Variants in AKAP6 observed in about 807,000 individuals in gnomAD.
AKAP6 encodes the protein A-kinase anchoring protein 6, also known as A-kinase anchor protein 6.
In AKAP6, 58 loss-of-function variants were observed where a neutral mutation model predicts 188.5. The observed-to-expected ratio is 0.31, with a 90% confidence interval of 0.25 to 0.38. AKAP6 has a LOEUF of 0.38. AKAP6 is among the 10% of genes least tolerant of loss of function. The pLI is 1.00. For missense variants in AKAP6, 2,710 were observed against 2,740.0 expected (o/e 0.99, Z 0.24); for synonymous variants, 989 against 998.6 (o/e 0.99, Z 0.18).
intron 7 of AKAP6, among the ~76,000 whole-genome samples, chr14:32,644,642 T>C (rs1887908335): frequency 6.6e-6 from 1 of 152,170 alleles, no homozygotes. Context: ...TATTTCTCTA[T>C]TGCATTTTGG....
intron 11 of AKAP6, among the ~76,000 whole-genome samples, chr14:32,743,140 A>G (rs1028958613): frequency 6.6e-6 from 1 of 152,018 alleles, no homozygotes; most frequent in Non-Finnish European, 1.5e-5. Context: ...GTCTCTTCTT[A>G]TAGTTTTTGC....
chr14:32,585,493 T>C (rs910841), intron 5 of AKAP6, among the ~76,000 whole-genome samples: 251 of 30,110 alleles, frequency 8.3e-3, no homozygotes, highest in East Asian at 0.082. Flanking sequence ...ACTATATATA[T>C]GTGTGTGTGT....
At chr14:32,452,058 G>A (rs954280823) in intron 2 of AKAP6, among the ~76,000 whole-genome samples, 1 of 72,510 alleles carries the variant, frequency 1.4e-5, no homozygotes. Context: ...GTATTGCTCT[G>A]TTGCCCAGGC....
intron 2 of AKAP6, among the ~76,000 whole-genome samples, chr14:32,436,672 C>T (rs1364083923): frequency 6.6e-6 from 1 of 152,274 alleles, no homozygotes; most frequent in Non-Finnish European, 1.5e-5. Flanking sequence ...CATGGTGACT[C>T]AAGACTATGA....
intron 2 of AKAP6, among the ~76,000 whole-genome samples, chr14:32,473,384 C>G (rs533179163): frequency 2.2e-4 from 33 of 152,232 alleles, no homozygotes; most frequent in African/African-American, 7.5e-4. Flanking sequence ...AAGTAGAAGC[C>G]AGATGAAATT....
intron 1 of AKAP6, among the ~76,000 whole-genome samples, chr14:32,356,952 A>C (rs1389448660): frequency 1.3e-5 from 2 of 152,062 alleles, no homozygotes; most frequent in Non-Finnish European, 2.9e-5. Context: ...CTTGCACCGG[A>C]CATATGCCTC....
chr14:32,733,531 G>T (rs1400475222), intron 10 of AKAP6: 2 of 151,950 alleles, frequency 1.3e-5, no homozygotes, highest in African/African-American at 2.4e-5. Flanking sequence ...AAAATATTTT[G>T]AATAAAAAGC....
intron 12 of AKAP6, among the ~76,000 whole-genome samples, chr14:32,798,189 A>T (rs915123408): frequency 1.3e-5 from 2 of 152,214 alleles, no homozygotes; most frequent in African/African-American, 2.4e-5. Flanking sequence ...CAAAACCACA[A>T]TGAGATGCCA....
chr14:32,827,350 G>GTTT (rs537878561), intron 13 of AKAP6, among the ~76,000 whole-genome samples: 1 of 142,472 alleles, frequency 7.0e-6, no homozygotes. Flanking sequence ...CATTTGCTTG[G>GTTT]TTTTTTTTTT....
At chr14:32,633,850 T>C (rs567793821) in intron 7 of AKAP6, among the ~76,000 whole-genome samples, 1 of 152,198 alleles carries the variant, frequency 6.6e-6, no homozygotes, top group Admixed American at 6.5e-5. Flanking sequence ...CAAACCAGGC[T>C]GCACTTCTTC....
At chr14:32,774,660 A>T (rs2139996560) in intron 12 of AKAP6, among the ~76,000 whole-genome samples, 1 of 152,336 alleles carries the variant, frequency 6.6e-6, no homozygotes, top group African/African-American at 2.4e-5. Flanking sequence ...ATCGATAAAA[A>T]AGATTGCATA....
chr14:32,676,816 C>T (rs1022669075), intron 7 of AKAP6, among the ~76,000 whole-genome samples: 2 of 151,976 alleles, frequency 1.3e-5, no homozygotes, highest in Admixed American at 6.6e-5. Flanking sequence ...TGGTTTGAGA[C>T]CTCATTTTTC....
chr14:32,777,108 G>A (rs2033091355), intron 12 of AKAP6, among the ~76,000 whole-genome samples: 1 of 152,134 alleles, frequency 6.6e-6, no homozygotes, highest in Non-Finnish European at 1.5e-5. Context: ...TAGTAATGGG[G>A]CAAACTTAGA....
At chr14:32,676,643 G>A (rs554755449) in intron 7 of AKAP6, among the ~76,000 whole-genome samples, 2 of 152,308 alleles carry the variant, frequency 1.3e-5, no homozygotes, top group Non-Finnish European at 2.9e-5. Flanking sequence ...GGCAAGAACA[G>A]TTCACATGAA....
At chr14:32,614,554 A>T (rs997145442) in intron 7 of AKAP6, among the ~76,000 whole-genome samples, 1 of 152,224 alleles carries the variant, frequency 6.6e-6, no homozygotes, top group Non-Finnish European at 1.5e-5. Context: ...TGTGTTGGGG[A>T]TGTTGCACTA....
At position 32,832,656 on chromosome 14, in the gene AKAP6, G is replaced by T. The variant is rs2034833509; in HGVS notation, c.*2851G>T. 1 of 152,226 alleles carries T rather than the reference G, an allele frequency of 6.6e-6. No individual in the cohort carries two copies. The highest frequency in any genetic ancestry group is 1.5e-5 in the Non-Finnish European group (1 of 68,032). 9.4% of individuals were successfully genotyped at this position (152,226 alleles called of 1,614,324 possible). ...TTCCAGTGATAGTGGCTCATTGTCT[G>T]TTAAGGCAAACTGTTCCACTGTTGG... is the stretch of plus-strand genomic sequence containing the variant. On this transcript the variant is annotated 3_prime_UTR_variant, in exon 14 of 14. Transcript: ENST00000280979.
At chr14:32,774,092 A>G (rs2032982292) in intron 12 of AKAP6, 199 bp downstream of exon 12, 2 of 596,860 alleles carry the variant, frequency 3.4e-6, no homozygotes, top group African/African-American at 3.7e-5. Flanking sequence ...ATGAAACTCC[A>G]TTTGTCATAA....
chr14:32,531,007 C>T (rs1164093455), intron 2 of AKAP6, among the ~76,000 whole-genome samples: 1 of 152,208 alleles, frequency 6.6e-6, no homozygotes, highest in Non-Finnish European at 1.5e-5. Context: ...CAGAAGATTC[C>T]TGTCTCATTG....
chr14:32,646,852 T>C (rs1353345770), intron 7 of AKAP6, among the ~76,000 whole-genome samples: 1 of 152,162 alleles, frequency 6.6e-6, no homozygotes, highest in Non-Finnish European at 1.5e-5. Flanking sequence ...CAGTGATTCA[T>C]GGCATACTTG....
Sources: allele counts gnomAD v4.1 joint callset (sites outside exome capture counted in the v4.1 genomes callset), GRCh38; gene constraint gnomAD v4.1.1; transcripts MANE v1.5; gene names NCBI Gene and HGNC (gene_info 2026-07-23, HGNC 2026-07-21).